Variants in RBM28 observed in about 807,000 individuals in gnomAD.
RBM28 encodes the protein RNA binding motif protein 28.
Under a neutral mutation model 98.3 loss-of-function variants are expected in RBM28, and 78 were observed. The ratio of observed to expected loss-of-function variants is 0.79; its 90% CI spans 0.66 to 0.96. The LOEUF (loss-of-function observed/expected upper bound fraction) is 0.96. Ranked by LOEUF, RBM28 falls within the 40% of genes least tolerant of loss-of-function variation. The probability of loss-of-function intolerance (pLI) is 0.00; values close to 1 mark genes in which losing one functional copy is unlikely to be tolerated. For missense variants in RBM28, 838 were observed against 913.0 expected (o/e 0.92, Z 1.06); for synonymous variants, 306 against 330.9 (o/e 0.92, Z 0.82).
At chr7:128,332,786 A>G (rs1250273432) in intron 9 of RBM28, among the ~76,000 whole-genome samples, 1 of 152,216 alleles carries the variant, frequency 6.6e-6, no homozygotes, top group Admixed American at 6.5e-5. Flanking sequence ...ACCTCATAAA[A>G]GCAGCAATCT....
chr7:128,314,516 A>T (rs80096568), intron 17 of RBM28, among the ~76,000 whole-genome samples: 4,443 of 152,334 alleles, frequency 0.029, 195 homozygotes, highest in African/African-American at 0.1. Context: ...CATCTGGACA[A>T]GAGGAAGCTC....
intron 11 of RBM28, 55 bp from the exon 12 acceptor site, chr7:128,324,749 C>G (rs949311232): frequency 6.2e-7 from 1 of 1,611,896 alleles, no homozygotes; most frequent in Non-Finnish European, 8.5e-7. Context: ...CACAGTGGCT[C>G]ACACCTGTAA....
At chr7:128,314,048 C>T (rs764311817) in intron 17 of RBM28, among the ~76,000 whole-genome samples, 8 of 152,208 alleles carry the variant, frequency 5.3e-5, no homozygotes, top group Middle Eastern at 3.4e-3. Flanking sequence ...CTGCAAGCTC[C>T]GCCTCCCGGG....
At chr7:128,315,133 C>A (rs1271684852) in intron 16 of RBM28, 113 bp from the exon 17 acceptor site, 1 of 1,473,278 alleles carries the variant, frequency 6.8e-7, no homozygotes, top group Non-Finnish European at 9.4e-7. Flanking sequence ...AATTCTTCCC[C>A]CACACAATTG....
rs1169607731 is a variant in RBM28 at position 128,333,303 on chromosome 7, T to A, written c.1006A>T (p.Thr336Ser). 1 of 1,599,324 alleles carries A rather than the reference T, an allele frequency of 6.3e-7. No homozygotes were observed. Among genetic ancestry groups the A allele is most frequent in the South Asian group, 1.1e-5 (1 of 90,804 alleles). ...AGAAAGACATACCTGATAAAAACAG[T>A]TTTCCCTTCATTCACATCAGAGGGT... ...KLPSDVNEGK[T>S]VFIRNLSFDS... Residue 336 changes from threonine (T) to serine (S), a missense_variant, in exon 9 of 19, where the codon ACT (threonine) becomes TCT (serine). Thr to Ser is a moderately conservative substitution (Grantham distance 58). Transcript: ENST00000223073.
intron 13 of RBM28, among the ~76,000 whole-genome samples, chr7:128,322,664 T>C (rs1393683394): frequency 6.6e-6 from 1 of 152,208 alleles, no homozygotes; most frequent in African/African-American, 2.4e-5. Context: ...AAATATGTCA[T>C]TATTGCACTG....
At chr7:128,340,683 CAA>C (rs1469111281) in intron 1 of RBM28, among the ~76,000 whole-genome samples, 1 of 152,190 alleles carries the variant, frequency 6.6e-6, no homozygotes, top group Non-Finnish European at 1.5e-5. Flanking sequence ...AAAAGAACCT[CAA>C]ACAATAAATA....
rs1471268546 is a variant in RBM28, at chr7:128,335,608, T to C, written c.881A>G (p.Asp294Gly). 9 of 1,614,068 alleles carry C rather than the reference T, an allele frequency of 5.6e-6. No homozygotes were observed. The highest frequency in any genetic ancestry group is 1.6e-4 in the Middle Eastern group (1 of 6,084). The change falls in exon 8 of 19, where the codon GAT becomes GGT. Residue 294 changes from aspartate (D) to glycine (G), a missense_variant. Asp to Gly is a moderately conservative substitution (Grantham distance 94). Transcript: ENST00000223073. ...SEEDSDLEES[D>G]SIDDGEELAQ... ...CAGTTCCTCTCCATCATCAATACTA[T>C]CGCTTTCCTCTAGGTCACTGTCCTC...
intron 10 of RBM28, 95 bp from the exon 11 acceptor site, chr7:128,325,986 G>C (rs1205624669): frequency 1.0e-6 from 1 of 962,534 alleles, no homozygotes; most frequent in Non-Finnish European, 1.7e-6. Context: ...CAGAGTGGAA[G>C]GGATAGGTGG....
At position 128,317,718 on chromosome 7, in the gene RBM28, A is replaced by G. The variant is rs929952108; in HGVS notation, c.1729T>C (p.Phe577Leu). 1.2e-6 allele frequency: 2 copies of G among 1,604,226 alleles called. No homozygotes were observed. Among genetic ancestry groups the G allele is most frequent in the South Asian group, 1.1e-5 (1 of 90,880 alleles). ...AGTTTTCTTCGATCTTCTAAAGAGA[A>G]CTCCACTATTGGTCTCTGTCAGAGG... ...FGPLKRPIVE[F>L]SLEDRRKLKM... The change falls in exon 16 of 19, where the codon TTC becomes CTC. Residue 577 changes from phenylalanine to leucine, a missense_variant. Phe to Leu is a conservative substitution (Grantham distance 22). Transcript: ENST00000223073.
intron 14 of RBM28, among the ~76,000 whole-genome samples, chr7:128,318,513 C>T (rs1461153603): frequency 6.6e-6 from 1 of 151,148 alleles, no homozygotes; most frequent in African/African-American, 2.4e-5. Context: ...GAAACATAAT[C>T]TTCATTTATA....
chr7:128,341,080 C>G, intron 1 of RBM28: 1 of 1,146,970 alleles, frequency 8.7e-7, no homozygotes, highest in South Asian at 1.4e-5. Context: ...TTTATTGCAT[C>G]AAAAAGGAAA....
intron 10 of RBM28, among the ~76,000 whole-genome samples, chr7:128,330,320 C>A (rs1231208716): frequency 6.7e-6 from 1 of 149,336 alleles, no homozygotes; most frequent in Non-Finnish European, 1.5e-5. Flanking sequence ...GCTAGCAGCA[C>A]CATTAAAGAT....
rs1795961447 is a variant in RBM28 at position 128,310,683 on chromosome 7, C to T, written c.*114G>A. The T allele has an allele frequency of 1.4e-6, 2 of 1,383,064 alleles. No individual in the cohort carries two copies. Among genetic ancestry groups the T allele is most frequent in the East Asian group, 4.6e-5 (2 of 43,806 alleles). The allele number at this position is 1,383,064 out of a possible 1,614,324, so 85.7% of individuals were successfully genotyped here. Reference sequence around the variant, plus strand: ...TCCAGGGCACCTCCGAGCACAGTGGCAGTGCCCTTGGGGATTTTCTTTCCC... The same window carrying T: ...TCCAGGGCACCTCCGAGCACAGTGGTAGTGCCCTTGGGGATTTTCTTTCCC... On this transcript the variant is annotated 3_prime_UTR_variant, in exon 19 of 19. Coordinates refer to ENST00000223073, the MANE Select transcript of RBM28 (RefSeq NM_018077.3).
At position 128,307,839 on chromosome 7, in the gene RBM28, A is replaced by G. The variant is rs902760154; in HGVS notation, c.*2958T>C. On this transcript the variant is annotated 3_prime_UTR_variant, in exon 19 of 19. Transcript: ENST00000223073. ...GCTGTTGTTTTTCAAAATAATAGAG[A>G]TGGGGGTCTCACTATGTTGGCCAGG... The G allele has an allele frequency of 2.0e-5, 3 of 152,134 alleles. No individual in the cohort carries two copies. Among genetic ancestry groups the G allele is most frequent in the Non-Finnish European group, 2.9e-5 (2 of 68,032 alleles). 9.4% of individuals were successfully genotyped at this position (152,134 alleles called of 1,614,324 possible).
chr7:128,336,031 T>C lies in RBM28; in HGVS notation c.625A>G (p.Ser209Gly), dbSNP rs1230179418. 1 of 1,610,326 alleles carries C rather than the reference T, an allele frequency of 6.2e-7. No homozygotes were observed. The highest frequency in any genetic ancestry group is 1.1e-5 in the South Asian group (1 of 90,974). ...QSVSAIGEEK[S>G]HESKHQESVK... ...GATTCCTGATGTTTAGATTCATGGCTCTTTTCCTCACCTATGGAGGGAGGT... is the reference window on the plus strand; with the variant it reads ...GATTCCTGATGTTTAGATTCATGGCCCTTTTCCTCACCTATGGAGGGAGGT... The change falls in exon 7 of 19, where the codon AGC becomes GGC. Residue 209 changes from serine to glycine, a missense_variant. Transcript: ENST00000223073.
At chr7:128,329,821 G>A (rs552393123) in intron 10 of RBM28, among the ~76,000 whole-genome samples, 16 of 148,730 alleles carry the variant, frequency 1.1e-4, no homozygotes, top group East Asian at 6.0e-4. Context: ...CCCAGGAGGC[G>A]GAGCTTGCAG....
chr7:128,341,249 C>T (rs1309659869), intron 1 of RBM28: 17 of 1,187,748 alleles, frequency 1.4e-5, no homozygotes, highest in Non-Finnish European at 1.9e-5. Flanking sequence ...ATCAATTTTT[C>T]TCTTCTCTTG....
chr7:128,343,758 C>T lies in RBM28; in HGVS notation c.36G>A (p.Pro12=), dbSNP rs201391510. ...AGLTLFVGRL[P]PSARSEQLEE... ...CCAGCTGCTCACTGCGGGCCGAGGG[C>T]GGGAGGCGGCCCACAAATAAGGTCA... The change falls in exon 1 of 19, where the codon CCG becomes CCA. Residue 12 remains proline, a synonymous_variant. Transcript: ENST00000223073. 3 of 1,609,562 alleles carry T rather than the reference C, an allele frequency of 1.9e-6. No homozygotes were observed. The highest frequency in any genetic ancestry group is 2.5e-6 in the Non-Finnish European group (3 of 1,177,800).
Sources: gnomAD v4.1 joint callset for allele counts (sites outside exome capture counted in the v4.1 genomes callset) on GRCh38, gnomAD v4.1.1 for gene constraint, MANE v1.5 for transcripts, NCBI Gene and HGNC (gene_info 2026-07-23, HGNC 2026-07-21) for gene names.